R3HCC1L: variants seen among roughly 807,000 people sequenced by gnomAD.
The protein encoded by R3HCC1L is coiled-coil domain-containing protein R3HCC1L.
Under a neutral mutation model 59.9 loss-of-function variants are expected in R3HCC1L, and 51 were observed. The observed-to-expected ratio is 0.85, with a 90% CI of 0.68 to 1.07. The LOEUF (loss-of-function observed/expected upper bound fraction) is 1.07, where lower values mean the gene tolerates loss of function less well. Among genes scored for constraint, R3HCC1L ranks in the 50% least tolerant of loss-of-function variants. R3HCC1L has a pLI of 0.00. For synonymous variants in R3HCC1L, 322 were observed against 315.2 expected, an observed-to-expected ratio of 1.02 and a Z score of -0.23; for missense variants, 965 against 933.0, an observed-to-expected ratio of 1.03 and a Z score of -0.45.
At chr10:98,177,410 T>A (rs1029203892) in intron 4 of R3HCC1L, among the ~76,000 whole-genome samples, 2 of 152,222 alleles carry the variant, frequency 1.3e-5, no homozygotes, top group African/African-American at 4.8e-5. Context: ...TGTGCCACAT[T>A]TTCTTAATCC....
chr10:98,152,310 C>T (rs1846264380), intron 1 of R3HCC1L, among the ~76,000 whole-genome samples: 2 of 152,026 alleles, frequency 1.3e-5, no homozygotes, highest in Admixed American at 6.5e-5. Context: ...CTACGACCTC[C>T]ACCTCCCAGC....
At chr10:98,215,089 A>G (rs558616436) in intron 5 of R3HCC1L, among the ~76,000 whole-genome samples, 2 of 152,262 alleles carry the variant, frequency 1.3e-5, no homozygotes, top group Admixed American at 6.5e-5. Context: ...CTTTGTCTCT[A>G]CCTGACTGGG....
chr10:98,185,218 A>T (rs1048256261), intron 4 of R3HCC1L, among the ~76,000 whole-genome samples: 5 of 152,014 alleles, frequency 3.3e-5, no homozygotes, highest in African/African-American at 1.2e-4. Flanking sequence ...TTGTTTGTTC[A>T]TTTATTCAAT....
At chr10:98,229,859 T>C (rs911036817) in intron 5 of R3HCC1L, among the ~76,000 whole-genome samples, 28 of 152,290 alleles carry the variant, frequency 1.8e-4, no homozygotes, top group African/African-American at 6.3e-4. Context: ...TTGTTGTTGG[T>C]TCTGTTTATA....
Position 98,209,459 on chromosome 10 carries a change from G to A in R3HCC1L, c.1345G>A (p.Glu449Lys), listed in dbSNP as rs1216341236. ...NPSACSDIYG[E>K]SISSHFTEST... The stretch of plus-strand genomic sequence containing the variant: ...TTCTGCTTGCTCAGATATTTATGGT[G>A]AGAGTATTTCATCTCATTTTACAGA... Residue 449 changes from glutamate (E) to lysine (K), a missense_variant, in exon 5 of 10, where the codon GAG becomes AAG. Transcript: ENST00000298999. 1 of 1,613,594 alleles carries A rather than the reference G, an allele frequency of 6.2e-7. No individual in the cohort carries two copies.
At chr10:98,165,816 C>T (rs1467525201) in intron 4 of R3HCC1L, among the ~76,000 whole-genome samples, 1 of 152,114 alleles carries the variant, frequency 6.6e-6, no homozygotes, top group Non-Finnish European at 1.5e-5. Context: ...GAGGTGGGGC[C>T]TTTGGGATGT....
At chr10:98,231,195 T>G (rs1856342837) in intron 5 of R3HCC1L, among the ~76,000 whole-genome samples, 1 of 152,238 alleles carries the variant, frequency 6.6e-6, no homozygotes, top group Non-Finnish European at 1.5e-5. Flanking sequence ...TTTTCCAAGA[T>G]GTGCCATTTA....
intron 9 of R3HCC1L, among the ~76,000 whole-genome samples, chr10:98,239,407 T>A (rs1304608506): frequency 6.6e-6 from 1 of 152,160 alleles, no homozygotes; most frequent in Non-Finnish European, 1.5e-5. Context: ...CATCCTGTTA[T>A]AATATGGTAT....
rs572340558 is a variant in R3HCC1L, at chr10:98,190,875, T to C, written c.-14-17226T>C. Among the ~76,000 whole-genome samples, 5 of 148,798 alleles carry C rather than the reference T, an allele frequency of 3.4e-5. No individual in the cohort carries two copies. The East Asian group carries it at 1.0e-3, about 30-fold the overall frequency. On this transcript the variant is annotated intron_variant, in intron 4 of 9. Transcript: ENST00000298999. ...GTGTCCAAGTGATCTCATTGTTCAG[T>C]TCCTACCTATGAGTGAGAACATGTG... is the stretch of plus-strand genomic sequence containing the variant.
At chr10:98,153,609 TAAAA>T (rs1160637755) in intron 1 of R3HCC1L, among the ~76,000 whole-genome samples, 7 of 81,012 alleles carry the variant, frequency 8.6e-5, no homozygotes, top group Non-Finnish European at 1.3e-4. Flanking sequence ...AATGATCAAT[TAAAA>T]AAAAAAAAAA....
intron 4 of R3HCC1L, among the ~76,000 whole-genome samples, chr10:98,197,376 C>T (rs866682157): frequency 2.5e-4 from 38 of 152,190 alleles, no homozygotes; most frequent in African/African-American, 8.7e-4. Flanking sequence ...ATTTAAACAT[C>T]AGCTCAGGTG....
Position 98,208,983 on chromosome 10 carries a change from G to A in R3HCC1L, c.869G>A (p.Gly290Asp), listed in dbSNP as rs1049672160. The A allele has an allele frequency of 4.3e-6, 7 of 1,613,966 alleles. No homozygotes were observed. The highest frequency in any genetic ancestry group is 5.1e-6 in the Non-Finnish European group (6 of 1,179,902). ...GTAGATTTTGAAGTTGAGAGTGTAG[G>A]TGGTATAGCCAATAGTACAGGTTTC... Reference protein sequence around the residue: ...TCVDFEVESVGGIANSTGFIL... With the variant: ...TCVDFEVESVDGIANSTGFIL... The change falls in exon 5 of 10, where the codon GGT becomes GAT. Residue 290 changes from glycine (G) to aspartate (D), a missense_variant. By Grantham distance (94) the Gly-to-Asp change is moderately conservative. Coordinates refer to ENST00000298999, the MANE Select transcript of R3HCC1L (RefSeq NM_001351015.2).
intron 9 of R3HCC1L, among the ~76,000 whole-genome samples, chr10:98,243,052 C>G (rs1439371169): frequency 6.6e-6 from 1 of 152,174 alleles, no homozygotes; most frequent in South Asian, 2.1e-4. Context: ...ATTTCTTTTT[C>G]TCACATTTCC....
chr10:98,236,727 A>G (rs921445697), intron 9 of R3HCC1L, among the ~76,000 whole-genome samples: 2 of 152,166 alleles, frequency 1.3e-5, no homozygotes, highest in East Asian at 1.9e-4. Flanking sequence ...TTCTCAGAAA[A>G]ATATTTCCCC....
Position 98,153,363 on chromosome 10 carries a change from G to C in R3HCC1L, c.-267-2730G>C, listed in dbSNP as rs78523786. Among the ~76,000 whole-genome samples the C allele has an allele frequency of 3.9e-5, 6 of 152,236 alleles. No homozygotes were observed. In the East Asian group the frequency reaches 1.2e-3, roughly 29 times the overall value. Reference sequence around the variant, plus strand: ...TGCTGTGTCCACTCAGGGTTAAATGGATTAAGGGCGGTGCAACATGTGCTT... The same window carrying C: ...TGCTGTGTCCACTCAGGGTTAAATGCATTAAGGGCGGTGCAACATGTGCTT... On this transcript the variant is annotated intron_variant, in intron 1 of 9. Transcript: ENST00000298999.
At chr10:98,220,486 T>G (rs1283359420) in intron 5 of R3HCC1L, among the ~76,000 whole-genome samples, 1 of 147,818 alleles carries the variant, frequency 6.8e-6, no homozygotes, top group Non-Finnish European at 1.5e-5. Flanking sequence ...CTGCACCCAC[T>G]AACTCGTCAT....
intron 5 of R3HCC1L, among the ~76,000 whole-genome samples, chr10:98,224,943 A>AT (rs1352822477): frequency 2.0e-5 from 3 of 152,222 alleles, no homozygotes; most frequent in Non-Finnish European, 4.4e-5. Flanking sequence ...ATGGTTTTGC[A>AT]TTTTCTAGTA....
chr10:98,217,354 A>G (rs1356782297), intron 5 of R3HCC1L, among the ~76,000 whole-genome samples: 2 of 152,074 alleles, frequency 1.3e-5, no homozygotes, highest in African/African-American at 4.8e-5. Flanking sequence ...AGGGTTCTCT[A>G]TTCTGTTCCA....
At chr10:98,150,732 G>A (rs1435933966) in intron 1 of R3HCC1L, among the ~76,000 whole-genome samples, 1 of 152,142 alleles carries the variant, frequency 6.6e-6, no homozygotes, top group Non-Finnish European at 1.5e-5. Flanking sequence ...TGGTGCTGCT[G>A]AACAGCTGTT....
Sources: allele counts gnomAD v4.1 joint callset (sites outside exome capture counted in the v4.1 genomes callset), GRCh38; gene constraint gnomAD v4.1.1; transcripts MANE v1.5; gene names NCBI Gene and HGNC (gene_info 2026-07-23, HGNC 2026-07-21).